The following TCF7L1 variants were observed in gnomAD, a reference collection of about 807,000 sequenced individuals.
TCF7L1 encodes transcription factor 7 like 1, also known as transcription factor 7-like 1.
Under a neutral mutation model 63.7 loss-of-function variants are expected in TCF7L1, and 18 were observed. The observed-to-expected ratio is 0.28, with a 90% confidence interval of 0.20 to 0.42. The LOEUF (loss-of-function observed/expected upper bound fraction) is 0.42, where lower values mean the gene tolerates loss of function less well. Ranked by LOEUF, TCF7L1 falls within the 10% of genes least tolerant of loss-of-function variation. The pLI is 1.00. For synonymous variants in TCF7L1, 355 were observed against 340.9 expected, an observed-to-expected ratio of 1.04 and a Z score of -0.46; for missense variants, 654 against 779.3, an observed-to-expected ratio of 0.84 and a Z score of 1.91.
At chr2:85,153,636 C>T (rs538787190) in intron 3 of TCF7L1, among the ~76,000 whole-genome samples, 11 of 152,136 alleles carry the variant, frequency 7.2e-5, no homozygotes, top group East Asian at 5.8e-4. Flanking sequence ...CCACTGCACC[C>T]GGCTAGCCTC....
intron 3 of TCF7L1, among the ~76,000 whole-genome samples, chr2:85,210,312 G>A (rs1679513016): frequency 1.3e-5 from 2 of 152,216 alleles, no homozygotes; most frequent in Non-Finnish European, 2.9e-5. Context: ...TGAGGGCCCA[G>A]CACAGCTATG....
chr2:85,145,064 CAAAA>C (rs779081805), intron 3 of TCF7L1, among the ~76,000 whole-genome samples: 1 of 90,252 alleles, frequency 1.1e-5, no homozygotes, highest in Admixed American at 1.2e-4. Flanking sequence ...GACTTTGTTT[CAAAA>C]AAAAAAAAAA....
chr2:85,282,394 G>C (rs1681438910), intron 3 of TCF7L1, among the ~76,000 whole-genome samples: 2 of 152,262 alleles, frequency 1.3e-5, no homozygotes, highest in Admixed American at 1.3e-4. Context: ...CGGGTCTGTT[G>C]CCCAGAAGCA....
intron 3 of TCF7L1, among the ~76,000 whole-genome samples, chr2:85,172,682 T>G (rs184536255): frequency 1.3e-5 from 2 of 152,310 alleles, no homozygotes; most frequent in East Asian, 3.9e-4. Flanking sequence ...CGCCTTGGCC[T>G]CCCAAAGTGC....
intron 3 of TCF7L1, among the ~76,000 whole-genome samples, chr2:85,240,527 T>A (rs1483755833): frequency 6.6e-6 from 1 of 152,032 alleles, no homozygotes; most frequent in Non-Finnish European, 1.5e-5. Flanking sequence ...ATCCCAGCAC[T>A]TTGGGAGGCC....
At chr2:85,193,894 T>G (rs56178814) in intron 3 of TCF7L1, among the ~76,000 whole-genome samples, 9,733 of 150,374 alleles carry the variant, frequency 0.065, 379 homozygotes, top group African/African-American at 0.1. Context: ...TGTAGGTGAG[T>G]GGTATGTGGA....
intron 3 of TCF7L1, among the ~76,000 whole-genome samples, chr2:85,221,499 C>G (rs1460812148): frequency 6.6e-6 from 1 of 152,176 alleles, no homozygotes; most frequent in African/African-American, 2.4e-5. Flanking sequence ...GGCATAGTGC[C>G]GACATCTGCT....
In TCF7L1 at chr2:85,134,080, G is replaced by T. The variant is rs1454642008; in HGVS notation, c.313+1G>T. ...AAGCCGCGGGACTATTTCGCCGAAG[G>T]TATGTGCCCGCTGGGACAGCCCCCC... On this transcript the variant is annotated splice_donor_variant, in intron 2 of 11. Coordinates refer to ENST00000282111, the MANE Select transcript of TCF7L1 (RefSeq NM_031283.3). LOFTEE classifies it high-confidence loss of function. This position sits in a 1 kb window ranked among gnomAD's most constrained non-coding sequence, Gnocchi z 5.0. The T allele has an allele frequency of 6.2e-7, 1 of 1,609,520 alleles. No individual in the cohort carries two copies. The highest frequency in any genetic ancestry group is 1.1e-5 in the South Asian group (1 of 90,512).
At chr2:85,280,954 C>T (rs1050078205) in intron 3 of TCF7L1, among the ~76,000 whole-genome samples, 2 of 151,460 alleles carry the variant, frequency 1.3e-5, no homozygotes, top group African/African-American at 2.4e-5. Context: ...GAGACCTAGG[C>T]TCCAGCTCCA....
chr2:85,197,256 C>A (rs72497861), intron 3 of TCF7L1, among the ~76,000 whole-genome samples: 4 of 152,164 alleles, frequency 2.6e-5, no homozygotes, highest in Admixed American at 1.3e-4. Context: ...ACTAAAAATA[C>A]AAAAATTAGC....
At chr2:85,175,175 G>A (rs920075006) in intron 3 of TCF7L1, among the ~76,000 whole-genome samples, 1 of 152,172 alleles carries the variant, frequency 6.6e-6, no homozygotes, top group Admixed American at 6.5e-5. Context: ...TGGAGAGGGT[G>A]GAAGTGTGAA....
rs575365287 is a variant in TCF7L1 at position 85,245,784 on chromosome 2, C to T, written c.442-37711C>T. Among the ~76,000 whole-genome samples the T allele has an allele frequency of 2.0e-5, 3 of 151,286 alleles. No individual in the cohort carries two copies. In the East Asian group the frequency reaches 5.8e-4, roughly 29 times the overall value. ...GAGCCGAGATCGCACCACTGCATTC[C>T]GGCCTGGGCAACAGAGCGAGACTCC... On this transcript the variant is annotated intron_variant, in intron 3 of 11. Transcript: ENST00000282111.
chr2:85,191,039 T>C (rs2104264376), intron 3 of TCF7L1, among the ~76,000 whole-genome samples: 1 of 149,346 alleles, frequency 6.7e-6, no homozygotes, highest in East Asian at 1.9e-4. Context: ...ATTTTAAGTG[T>C]TAAGAAAGAA....
intron 3 of TCF7L1, among the ~76,000 whole-genome samples, chr2:85,267,546 G>A (rs1177220107): frequency 6.6e-6 from 1 of 151,650 alleles, no homozygotes; most frequent in Non-Finnish European, 1.5e-5. Context: ...TTACTCAGGA[G>A]GCTGAGGCAG....
chr2:85,236,253 T>C (rs1680190126), intron 3 of TCF7L1, among the ~76,000 whole-genome samples: 1 of 152,162 alleles, frequency 6.6e-6, no homozygotes. Flanking sequence ...GCCCGGTCTG[T>C]ATCAGTGAGT....
At chr2:85,198,144 G>A (rs1032779718) in intron 3 of TCF7L1, among the ~76,000 whole-genome samples, 4 of 152,222 alleles carry the variant, frequency 2.6e-5, no homozygotes, top group Non-Finnish European at 2.9e-5. Flanking sequence ...ACAACCTTCA[G>A]TTACAGTCAT....
intron 3 of TCF7L1, among the ~76,000 whole-genome samples, chr2:85,194,608 C>T (rs947012594): frequency 6.6e-6 from 1 of 152,156 alleles, no homozygotes; most frequent in African/African-American, 2.4e-5. Context: ...GATCCTGCAA[C>T]TAAGCCAGCC....
intron 5 of TCF7L1, among the ~76,000 whole-genome samples, chr2:85,302,849 G>A (rs940300426): frequency 1.3e-5 from 2 of 152,198 alleles, no homozygotes; most frequent in Admixed American, 1.3e-4. Flanking sequence ...ATTAAATGCA[G>A]TAAAGCACAG....
At chr2:85,192,478 C>T (rs1344785521) in intron 3 of TCF7L1, among the ~76,000 whole-genome samples, 3 of 152,162 alleles carry the variant, frequency 2.0e-5, no homozygotes, top group Non-Finnish European at 4.4e-5. Flanking sequence ...ACCTCCGCCT[C>T]CCGGATTCAA....
Sources: allele counts gnomAD v4.1 joint callset (sites outside exome capture counted in the v4.1 genomes callset), GRCh38; gene constraint gnomAD v4.1.1; non-coding constraint Gnocchi (gnomAD v3.1); transcripts MANE v1.5; gene names NCBI Gene and HGNC (gene_info 2026-07-23, HGNC 2026-07-21).